ZFHX3: variants seen among roughly 807,000 people sequenced by gnomAD.
ZFHX3 encodes zinc finger homeobox 3, also known as zinc finger homeobox protein 3.
In ZFHX3, 42 loss-of-function variants were observed where a neutral mutation model predicts 279.1. That is an observed-to-expected ratio of 0.15 (90% CI 0.12 to 0.19). The LOEUF is 0.19. Among genes scored for constraint, ZFHX3 ranks in the 10% least tolerant of loss-of-function variants. The probability of loss-of-function intolerance (pLI) is 1.00; values close to 1 mark genes in which losing one functional copy is unlikely to be tolerated. For missense variants in ZFHX3, 4,981 were observed against 4,754.0 expected (o/e 1.05, Z -1.40); for synonymous variants, 2,293 against 1,957.8 (o/e 1.17, Z -4.52).
chr16:73,050,958 C>T (rs1965437311), upstream of ZFHX3, among the ~76,000 whole-genome samples: 1 of 152,208 alleles, frequency 6.6e-6, no homozygotes, highest in Non-Finnish European at 1.5e-5. Context: ...GCTGAGCTGG[C>T]TGGTAAATTA....
In ZFHX3 at chr16:73,123,317, C is replaced by T. The variant is rs1391280700; in HGVS notation, c.-897+7651G>A. 2.0e-5 allele frequency: 3 copies of T among 148,092 alleles called. No homozygotes were observed. In the Admixed American group the frequency reaches 2.1e-4, roughly 10 times the overall value. The allele number at this position is 148,092 out of a possible 1,614,324, so 9.2% of individuals were successfully genotyped here. On this transcript the variant is annotated intron_variant, in intron 7 of 17. Coordinates refer to the ZFHX3 transcript ENST00000641206. ...TACTACTCACGGGACATCAGGACAC[C>T]TAATGCAAGCAGAAGCTTGACAAGC... is the stretch of plus-strand genomic sequence containing the variant.
chr16:73,788,959 C>G (rs545706721), intron 1 of ZFHX3, among the ~76,000 whole-genome samples: 2 of 151,216 alleles, frequency 1.3e-5, no homozygotes, highest in African/African-American at 4.8e-5. Flanking sequence ...TTTGGCATGT[C>G]TATAATAGTA....
At chr16:73,765,681 C>T (rs2053926650) in intron 1 of ZFHX3, among the ~76,000 whole-genome samples, 2 of 152,226 alleles carry the variant, frequency 1.3e-5, no homozygotes, top group South Asian at 2.1e-4. Context: ...CTTGGGAAAA[C>T]ACTGCCCAAA....
At chr16:73,190,099 A>T (rs188016288) in intron 5 of ZFHX3, among the ~76,000 whole-genome samples, 193 of 152,328 alleles carry the variant, frequency 1.3e-3, no homozygotes, top group Non-Finnish European at 2.1e-3. Flanking sequence ...TCTTCATAAG[A>T]TAGAGTGAGC....
At chr16:73,590,088 T>A (rs1283447503) in intron 2 of ZFHX3, among the ~76,000 whole-genome samples, 1 of 152,166 alleles carries the variant, frequency 6.6e-6, no homozygotes, top group African/African-American at 2.4e-5. Flanking sequence ...AGCAATCCTA[T>A]TGGCATGGGA....
At chr16:73,432,484 T>G (rs967555945) in intron 3 of ZFHX3, among the ~76,000 whole-genome samples, 5 of 152,214 alleles carry the variant, frequency 3.3e-5, no homozygotes, top group African/African-American at 9.6e-5. Flanking sequence ...TTGGGAATCC[T>G]ATGTGATCCA....
At chr16:73,247,089 T>C (rs774652937) in intron 5 of ZFHX3, among the ~76,000 whole-genome samples, 3 of 152,148 alleles carry the variant, frequency 2.0e-5, no homozygotes, top group Non-Finnish European at 2.9e-5. Flanking sequence ...TGTATGTGTG[T>C]GTACTGCATA....
intron 1 of ZFHX3, among the ~76,000 whole-genome samples, chr16:73,705,591 G>C (rs1255414410): frequency 6.6e-6 from 1 of 152,000 alleles, no homozygotes; most frequent in East Asian, 1.9e-4. Context: ...TTCTCACCTG[G>C]AGCAACTGAG....
intron 2 of ZFHX3, among the ~76,000 whole-genome samples, chr16:73,632,812 T>TA (rs1487270775): frequency 6.7e-6 from 1 of 149,846 alleles, no homozygotes; most frequent in African/African-American, 2.5e-5. Flanking sequence ...AACGGTGGCT[T>TA]ACGCCTGTAA....
At chr16:73,329,084 G>A (rs1235082040) in intron 3 of ZFHX3, among the ~76,000 whole-genome samples, 1 of 152,236 alleles carries the variant, frequency 6.6e-6, no homozygotes, top group African/African-American at 2.4e-5. Context: ...CTCAAAATCA[G>A]CCTCATTGGT....
At chr16:72,919,221 T>C (rs1243424405) in intron 3 of ZFHX3, among the ~76,000 whole-genome samples, 1 of 151,716 alleles carries the variant, frequency 6.6e-6, no homozygotes, top group Non-Finnish European at 1.5e-5. Context: ...TGCAGAGGTA[T>C]AGTCACAGCT....
At chr16:73,164,023 AAGC>A (rs1967303214) in intron 5 of ZFHX3, among the ~76,000 whole-genome samples, 1 of 152,150 alleles carries the variant, frequency 6.6e-6, no homozygotes, top group South Asian at 2.1e-4. Flanking sequence ...TGTAGGTGGA[AAGC>A]CTTGTAGAGC....
intron 5 of ZFHX3, among the ~76,000 whole-genome samples, chr16:73,209,951 T>A (rs754499494): frequency 6.6e-6 from 1 of 152,186 alleles, no homozygotes; most frequent in African/African-American, 2.4e-5. Flanking sequence ...AAGCTATACA[T>A]GTTCTTCCTT....
At chr16:73,539,757 G>A (rs1473601131) in intron 2 of ZFHX3, among the ~76,000 whole-genome samples, 1 of 152,128 alleles carries the variant, frequency 6.6e-6, no homozygotes, top group Non-Finnish European at 1.5e-5. Flanking sequence ...GAAGAGGGAA[G>A]CTCTGTATCA....
At chr16:73,075,104 G>A (rs534097408) in intron 8 of ZFHX3, among the ~76,000 whole-genome samples, 7 of 152,182 alleles carry the variant, frequency 4.6e-5, no homozygotes, top group South Asian at 4.1e-4. Context: ...TAGTGCACTC[G>A]GCCTTTTTGT....
intron 1 of ZFHX3, among the ~76,000 whole-genome samples, chr16:73,045,978 C>T (rs1239677455): frequency 6.6e-6 from 1 of 152,156 alleles, no homozygotes; most frequent in Non-Finnish European, 1.5e-5. Flanking sequence ...AAAGAGCCAA[C>T]TGTGACCCCA....
intron 7 of ZFHX3, among the ~76,000 whole-genome samples, chr16:73,096,361 T>C (rs1966163914): frequency 6.6e-6 from 1 of 151,414 alleles, no homozygotes; most frequent in East Asian, 1.9e-4. Context: ...CCTAAACCAA[T>C]GAAAACTCAG....
chr16:73,486,686 T>G, intron 2 of ZFHX3: 1 of 416,042 alleles, frequency 2.4e-6, no homozygotes, highest in South Asian at 1.7e-5. Context: ...GTTTTTATTC[T>G]AGCCCAGGAC....
rs552112797 is a variant in ZFHX3, at chr16:72,796,250, C to T, written c.6432G>A (p.Gln2144=). 1.9e-6 allele frequency: 3 copies of T among 1,614,092 alleles called. No homozygotes were observed. The South Asian group carries it at 3.3e-5, about 18-fold the overall frequency. Residue 2144 remains glutamine (Q), a synonymous_variant, in exon 9 of 10, where the codon CAG becomes CAA. Transcript: ENST00000268489. ...HQLNPTLLQQ[Q]NKRPRTRITD... ...TGATCCTGGTGCGAGGCCTCTTGTT[C>T]TGCTGCTGGAGCAGGGTTGGATTGA...
Sources: gnomAD v4.1 joint callset for allele counts (sites outside exome capture counted in the v4.1 genomes callset) on GRCh38, gnomAD v4.1.1 for gene constraint, MANE v1.5 for transcripts, NCBI Gene and HGNC (gene_info 2026-07-23, HGNC 2026-07-21) for gene names.